The following RBPJ variants were observed in gnomAD, a reference collection of about 807,000 sequenced individuals.
RBPJ encodes recombining binding protein suppressor of hairless.
RBPJ carries 9 observed loss-of-function variants against 67.8 expected under a neutral mutation model. The observed-to-expected ratio is 0.13, with a 90% CI of 0.08 to 0.23. The LOEUF (loss-of-function observed/expected upper bound fraction) is 0.23. Among genes scored for constraint, RBPJ ranks in the 10% least tolerant of loss-of-function variants. RBPJ has a pLI of 1.00. For missense variants in RBPJ, 305 were observed against 595.6 expected, an observed-to-expected ratio of 0.51 and a Z score of 5.08; for synonymous variants, 198 against 203.3, an observed-to-expected ratio of 0.97 and a Z score of 0.22.
chr4:26,147,930 A>C, the RBPJ span, among the ~76,000 whole-genome samples: 7 of 152,216 alleles, frequency 4.6e-5, no homozygotes, highest in Non-Finnish European at 8.8e-5. Flanking sequence ...CCAGCGCATC[A>C]ACATCTGCAA....
At chr4:26,120,630 T>C in the RBPJ span, among the ~76,000 whole-genome samples, 545 of 151,762 alleles carry the variant, frequency 3.6e-3, 2 homozygotes, top group African/African-American at 0.012. Context: ...CCATATTGTT[T>C]CAAAGTTCTG....
intron 1 of RBPJ, among the ~76,000 whole-genome samples, chr4:26,208,305 G>C (rs1385571674): frequency 1.3e-5 from 2 of 152,214 alleles, no homozygotes; most frequent in Non-Finnish European, 1.5e-5. Flanking sequence ...GATAAAAAGT[G>C]CAGAAGTTTG....
intron 1 of RBPJ, among the ~76,000 whole-genome samples, chr4:26,334,068 T>A (rs1305481026): frequency 6.6e-6 from 1 of 150,938 alleles, no homozygotes; most frequent in Non-Finnish European, 1.5e-5. Context: ...TTTGATGGAG[T>A]CTCGCTCCGT....
the RBPJ span, among the ~76,000 whole-genome samples, chr4:26,125,348 T>A: frequency 6.6e-6 from 1 of 152,018 alleles, no homozygotes; most frequent in African/African-American, 2.4e-5. Context: ...AGCCTGGGAG[T>A]GCAAAGGTTG....
intron 1 of RBPJ, among the ~76,000 whole-genome samples, chr4:26,184,663 T>C (rs145961240): frequency 6.6e-6 from 1 of 152,200 alleles, no homozygotes; most frequent in East Asian, 1.9e-4. Flanking sequence ...ATGATCTTTG[T>C]CAATCCTCAT....
rs1253147512 is a variant in RBPJ at position 26,431,846 on chromosome 4, T to A, written c.*839T>A. 1 of 152,128 alleles carries A rather than the reference T, an allele frequency of 6.6e-6. No homozygotes were observed. The highest frequency in any genetic ancestry group is 1.5e-5 in the Non-Finnish European group (1 of 68,026). 9.4% of individuals were successfully genotyped at this position (152,128 alleles called of 1,614,324 possible). A position where few individuals can be genotyped will look rare whatever the true frequency, so the allele number is the denominator to read the frequency against. On this transcript the variant is annotated 3_prime_UTR_variant, in exon 11 of 11. Transcript: ENST00000355476. Reference sequence around the variant, plus strand: ...GTGTTTTCCTTTTTTTAAAAAAAAATATGGACTTATTGTGGTTATCTGAGA... The same window carrying A: ...GTGTTTTCCTTTTTTTAAAAAAAAAAATGGACTTATTGTGGTTATCTGAGA...
upstream of RBPJ, chr4:26,319,554 C>A: frequency 2.3e-6 from 1 of 430,398 alleles, no homozygotes; most frequent in Non-Finnish European, 4.2e-6. Flanking sequence ...AGGCAAACAC[C>A]TGTCCTGCCT....
chr4:26,335,362 A>G (rs896634102), intron 1 of RBPJ, among the ~76,000 whole-genome samples: 3 of 150,334 alleles, frequency 2.0e-5, no homozygotes, highest in African/African-American at 7.3e-5. Flanking sequence ...TTTGTATTTT[A>G]GTAGAGACAG....
upstream of RBPJ, among the ~76,000 whole-genome samples, chr4:26,161,718 G>A (rs1207251285): frequency 6.6e-6 from 1 of 152,182 alleles, no homozygotes; most frequent in Non-Finnish European, 1.5e-5. Flanking sequence ...CAAAGGAGGA[G>A]GCCTGAAGCT....
At chr4:26,395,440 A>C (rs1732023014) in intron 2 of RBPJ, among the ~76,000 whole-genome samples, 1 of 152,118 alleles carries the variant, frequency 6.6e-6, no homozygotes, top group African/African-American at 2.4e-5. Context: ...CAAAGTGAGA[A>C]TCTGCTTCAA....
rs774275462 is a variant in RBPJ at position 26,297,336 on chromosome 4, G to GTA, written c.-166-65109_-166-65108insAT. Reference sequence around the variant, plus strand: ...ACAAATAAATTTAAAAAATCACTTTGTGTGTGTGTGTGTGTGTGTACGAGA... The same window carrying GTA: ...ACAAATAAATTTAAAAAATCACTTTGTATGTGTGTGTGTGTGTGTGTACGAGA... On this transcript the variant is annotated intron_variant, in intron 1 of 4. Coordinates refer to the RBPJ transcript ENST00000512351. Among the ~76,000 whole-genome samples, 9 of 136,716 alleles carry GTA rather than the reference G, an allele frequency of 6.6e-5. No homozygotes were observed. In the South Asian group the frequency reaches 1.9e-3, roughly 29 times the overall value. The allele number at this position is 136,716 out of a possible 152,430, so 89.7% of individuals were successfully genotyped here.
At chr4:26,295,942 T>C (rs892832860) in intron 1 of RBPJ, among the ~76,000 whole-genome samples, 2 of 152,198 alleles carry the variant, frequency 1.3e-5, no homozygotes, top group Non-Finnish European at 2.9e-5. Context: ...ACTCCTGCAA[T>C]GCTCATTTGA....
chr4:26,313,163 T>C (rs1162882026), intron 1 of RBPJ, among the ~76,000 whole-genome samples: 1 of 152,194 alleles, frequency 6.6e-6, no homozygotes, highest in African/African-American at 2.4e-5. Flanking sequence ...GCTCAAGTGA[T>C]CTGCCTGTCT....
chr4:26,160,064 G>A (rs1286281140), upstream of RBPJ, among the ~76,000 whole-genome samples: 5 of 151,994 alleles, frequency 3.3e-5, no homozygotes, highest in Non-Finnish European at 5.9e-5. Context: ...GACTACAGGC[G>A]CCCGCCACCG....
intron 1 of RBPJ, among the ~76,000 whole-genome samples, chr4:26,286,844 G>A (rs975343355): frequency 6.7e-6 from 1 of 149,732 alleles, no homozygotes; most frequent in Non-Finnish European, 1.5e-5. Context: ...GGAGTGCAGT[G>A]GCCACTATCT....
At position 26,367,324 on chromosome 4, in the gene RBPJ, A is replaced by G. The variant is rs146464082; in HGVS notation, c.21-19029A>G. Among the ~76,000 whole-genome samples, 187 of 151,820 alleles carry G rather than the reference A, an allele frequency of 1.2e-3. 1 individual carries two copies. In the East Asian group the frequency reaches 0.032, roughly 26 times the overall value. ...ATGGGAAAACCCCATCTCACTAGAA[A>G]TCCAAAAATTAACCAGATGCAGTTA... On this transcript the variant is annotated intron_variant, in intron 1 of 10. Transcript: ENST00000355476.
chr4:26,350,762 C>T (rs1157138688), intron 1 of RBPJ, among the ~76,000 whole-genome samples: 1 of 152,186 alleles, frequency 6.6e-6, no homozygotes, highest in South Asian at 2.1e-4. Context: ...AAGATGATTC[C>T]CTGGTTTTTG....
chr4:26,424,874 A>G lies in RBPJ; in HGVS notation c.747+131A>G, dbSNP rs1323757031. 1 of 607,844 alleles carries G rather than the reference A, an allele frequency of 1.6e-6. No homozygotes were observed. The highest frequency in any genetic ancestry group is 2.9e-6 in the Non-Finnish European group (1 of 343,192). 37.7% of individuals were successfully genotyped at this position (607,844 alleles called of 1,614,324 possible). ...TTTAATTTTAAAAGGTATGTTAGTAATCAGTGCTGTTTATAATTGACAGTT... is the reference window on the plus strand; with the variant it reads ...TTTAATTTTAAAAGGTATGTTAGTAGTCAGTGCTGTTTATAATTGACAGTT... On this transcript the variant is annotated intron_variant, in intron 7 of 10. Coordinates refer to ENST00000355476, the MANE Select transcript of RBPJ (RefSeq NM_015874.6). The surrounding 1 kb of genome is among the most constrained non-coding windows in gnomAD (Gnocchi z 5.3).
chr4:26,316,339 A>T (rs1489111674), upstream of RBPJ, among the ~76,000 whole-genome samples: 1 of 147,250 alleles, frequency 6.8e-6, no homozygotes, highest in African/African-American at 2.5e-5. Flanking sequence ...ATATACATTC[A>T]TATATACATA....
Sources: allele counts gnomAD v4.1 joint callset (sites outside exome capture counted in the v4.1 genomes callset), GRCh38; gene constraint gnomAD v4.1.1; non-coding constraint Gnocchi (gnomAD v3.1); transcripts MANE v1.5; gene names NCBI Gene and HGNC (gene_info 2026-07-23, HGNC 2026-07-21).